The following EXT1 variants were observed in gnomAD, a reference collection of about 807,000 sequenced individuals.
EXT1 encodes exostosin glycosyltransferase 1.
In EXT1, 20 loss-of-function variants were observed where a neutral mutation model predicts 82.5. The ratio of observed to expected loss-of-function variants is 0.24; its 90% CI spans 0.17 to 0.35. The LOEUF (loss-of-function observed/expected upper bound fraction) is 0.35. EXT1 is among the 10% of genes least tolerant of loss of function. The pLI is 1.00. For missense variants in EXT1, 757 were observed against 936.5 expected, an observed-to-expected ratio of 0.81 and a Z score of 2.50; for synonymous variants, 348 against 350.8, an observed-to-expected ratio of 0.99 and a Z score of 0.09.
intron 1 of EXT1, among the ~76,000 whole-genome samples, chr8:118,045,799 T>A (rs1386485511): frequency 1.3e-5 from 2 of 151,786 alleles, no homozygotes; most frequent in Non-Finnish European, 2.9e-5. Context: ...GTCTTTTTTT[T>A]TTCTTTTCTT....
intron 1 of EXT1, among the ~76,000 whole-genome samples, chr8:117,913,007 G>A (rs1813679307): frequency 6.6e-6 from 1 of 152,072 alleles, no homozygotes; most frequent in Admixed American, 6.5e-5. Context: ...GTGGATCACT[G>A]AAGGTCAGGA....
At chr8:118,001,239 T>C (rs1023038932) in intron 1 of EXT1, among the ~76,000 whole-genome samples, 14 of 152,148 alleles carry the variant, frequency 9.2e-5, no homozygotes, top group African/African-American at 3.1e-4. Context: ...CAGGCTGGAG[T>C]GTAATGAGGT....
intron 7 of EXT1, among the ~76,000 whole-genome samples, chr8:117,814,074 GAGAAGA>G (rs924421139): frequency 2.0e-5 from 3 of 151,238 alleles, no homozygotes; most frequent in Non-Finnish European, 4.4e-5. Context: ...GGAGGAGGAG[GAGAAGA>G]AGGAGAAGGA....
intron 1 of EXT1, among the ~76,000 whole-genome samples, chr8:117,974,808 A>G (rs1427706962): frequency 1.3e-5 from 2 of 151,994 alleles, no homozygotes; most frequent in African/African-American, 2.4e-5. Context: ...CTCTCAGATA[A>G]CCCTTGTTTC....
chr8:117,975,402 A>G (rs1338034161), intron 1 of EXT1, among the ~76,000 whole-genome samples: 1 of 152,152 alleles, frequency 6.6e-6, no homozygotes, highest in Non-Finnish European at 1.5e-5. Context: ...TGACTACTAG[A>G]TGGATAATGC....
rs545664746 is a variant in EXT1 at position 117,903,724 on chromosome 8, T to C, written c.963-66523A>G. ...TTGCCACAGACAGTCTTTATCAAAATATCAAATTAAATGGCGCCTCTAATC... is the reference window on the plus strand; with the variant it reads ...TTGCCACAGACAGTCTTTATCAAAACATCAAATTAAATGGCGCCTCTAATC... On this transcript the variant is annotated intron_variant, in intron 1 of 10. Transcript: ENST00000378204. 2.6e-5 allele frequency among the ~76,000 whole-genome samples: 4 copies of C among 152,286 alleles called. No individual in the cohort carries two copies. In the South Asian group the frequency reaches 6.2e-4, roughly 24 times the overall value.
chr8:118,104,723 T>C (rs1296115740), intron 1 of EXT1, among the ~76,000 whole-genome samples: 1 of 152,178 alleles, frequency 6.6e-6, no homozygotes, highest in Non-Finnish European at 1.5e-5. Flanking sequence ...AAATCCGAAA[T>C]CCAAAATGCT....
intron 1 of EXT1, among the ~76,000 whole-genome samples, chr8:118,024,167 G>A (rs1816162916): frequency 6.6e-6 from 1 of 152,196 alleles, no homozygotes; most frequent in Non-Finnish European, 1.5e-5. Flanking sequence ...AGAAACAAAA[G>A]AGATCAAGGA....
chr8:117,878,493 A>T (rs1403075443), intron 1 of EXT1, among the ~76,000 whole-genome samples: 2 of 152,092 alleles, frequency 1.3e-5, no homozygotes, highest in Non-Finnish European at 2.9e-5. Context: ...TCAAGAACAA[A>T]CCTCTGCCTT....
intron 1 of EXT1, among the ~76,000 whole-genome samples, chr8:117,870,582 T>C (rs1473867324): frequency 3.3e-5 from 5 of 152,194 alleles, no homozygotes; most frequent in Non-Finnish European, 7.3e-5. Flanking sequence ...CTAGAGTGAA[T>C]TGTGGACACA....
chr8:117,870,627 C>T (rs758176672), intron 1 of EXT1, among the ~76,000 whole-genome samples: 5 of 152,156 alleles, frequency 3.3e-5, no homozygotes, highest in Non-Finnish European at 4.4e-5. Flanking sequence ...GCTCCATCCA[C>T]ATTTATTTTA....
At chr8:117,820,598 G>C (rs1464435227) in intron 5 of EXT1, among the ~76,000 whole-genome samples, 3 of 151,820 alleles carry the variant, frequency 2.0e-5, no homozygotes, top group Non-Finnish European at 4.4e-5. Context: ...TGAAGCAGGA[G>C]AATTGCTTGA....
intron 1 of EXT1, among the ~76,000 whole-genome samples, chr8:117,962,185 C>T (rs1814713468): frequency 6.6e-6 from 1 of 152,148 alleles, no homozygotes; most frequent in Non-Finnish European, 1.5e-5. Context: ...GAAGAATATG[C>T]TTCAGACTAC....
At chr8:118,062,960 A>G (rs1816906196) in intron 1 of EXT1, among the ~76,000 whole-genome samples, 1 of 152,232 alleles carries the variant, frequency 6.6e-6, no homozygotes, top group African/African-American at 2.4e-5. Flanking sequence ...AATAATATGG[A>G]TGCTCAGCTT....
intron 3 of EXT1, among the ~76,000 whole-genome samples, chr8:117,830,843 A>C (rs1039287106): frequency 2.6e-5 from 4 of 152,150 alleles, no homozygotes; most frequent in Non-Finnish European, 5.9e-5. Context: ...AGGGTCAGTC[A>C]CTTTTATGTG....
intron 1 of EXT1, among the ~76,000 whole-genome samples, chr8:117,870,823 TCACA>T (rs59973422): frequency 8.2e-5 from 12 of 146,862 alleles, no homozygotes; most frequent in South Asian, 4.3e-4. Context: ...AAATGCTTTG[TCACA>T]CACACACACA....
At chr8:118,087,080 C>T (rs919891912) in intron 1 of EXT1, among the ~76,000 whole-genome samples, 6 of 152,158 alleles carry the variant, frequency 3.9e-5, no homozygotes, top group Non-Finnish European at 8.8e-5. Context: ...ATGAATTCGC[C>T]ACTTCAAGGC....
intron 1 of EXT1, among the ~76,000 whole-genome samples, chr8:117,906,182 A>G (rs1813541126): frequency 6.6e-6 from 1 of 152,116 alleles, no homozygotes; most frequent in Non-Finnish European, 1.5e-5. Flanking sequence ...TTCACTTAAC[A>G]CTTTAACTTT....
intron 1 of EXT1, among the ~76,000 whole-genome samples, chr8:117,980,687 G>GGGT (rs1815172086): frequency 7.7e-6 from 1 of 130,068 alleles, no homozygotes; most frequent in Non-Finnish European, 1.6e-5. Context: ...TTGTTTGTTC[G>GGGT]GGTGTTGGTG....
Sources: allele counts gnomAD v4.1 joint callset (sites outside exome capture counted in the v4.1 genomes callset), GRCh38; gene constraint gnomAD v4.1.1; transcripts MANE v1.5; gene names NCBI Gene and HGNC (gene_info 2026-07-23, HGNC 2026-07-21).